Variants in VEGFC observed in about 807,000 individuals in gnomAD.
VEGFC encodes vascular endothelial growth factor C.
VEGFC carries 12 observed loss-of-function variants against 46.1 expected under a neutral mutation model. The observed-to-expected ratio is 0.26, with a 90% CI of 0.17 to 0.42. The LOEUF is 0.42. Among genes scored for constraint, VEGFC ranks in the 10% least tolerant of loss-of-function variants. The probability of loss-of-function intolerance (pLI) is 1.00; values close to 1 mark genes in which losing one functional copy is unlikely to be tolerated. For missense variants in VEGFC, 488 were observed against 529.4 expected (o/e 0.92, Z 0.77); for synonymous variants, 232 against 195.5 (o/e 1.19, Z -1.56).
intron 1 of VEGFC, among the ~76,000 whole-genome samples, chr4:176,760,848 C>T (rs1735517262): frequency 6.6e-6 from 1 of 152,160 alleles, no homozygotes; most frequent in Non-Finnish European, 1.5e-5. Flanking sequence ...GAGGGAGCTT[C>T]AAATGGCACT....
At position 176,792,408 on chromosome 4, in the gene VEGFC, T is replaced by TC; in HGVS notation, c.-98dup. ...GGCCGCGGGCCCCTCCTGGTCCCTC[T>TC]CCCCCGGGCTCCTCCCGGCGACCCC... On this transcript the variant is annotated 5_prime_UTR_variant, in exon 1 of 7. Transcript: ENST00000618562. This position sits in a 1 kb window ranked among gnomAD's most constrained non-coding sequence, Gnocchi z 6.3. 3 of 947,188 alleles carry TC rather than the reference T, an allele frequency of 3.2e-6. No homozygotes were observed. Among genetic ancestry groups the TC allele is most frequent in the Non-Finnish European group, 4.3e-6 (3 of 697,042 alleles). The allele number at this position is 947,188 out of a possible 1,614,324, so 58.7% of individuals were successfully genotyped here.
intron 6 of VEGFC, 143 bp from the exon 7 acceptor site, chr4:176,684,183 A>C (rs758879065): frequency 6.1e-6 from 4 of 654,216 alleles, no homozygotes; most frequent in Non-Finnish European, 1.1e-5. Context: ...GGTTTAAAAA[A>C]GTTTGTTTCT....
At chr4:176,689,938 AATAGCT>A (rs1426418244) in intron 4 of VEGFC, among the ~76,000 whole-genome samples, 1 of 152,164 alleles carries the variant, frequency 6.6e-6, no homozygotes, top group Non-Finnish European at 1.5e-5. Flanking sequence ...TTTTGTAGGA[AATAGCT>A]ATGTTTTGGT....
chr4:176,781,591 C>G (rs1193888457), intron 1 of VEGFC, among the ~76,000 whole-genome samples: 1 of 152,146 alleles, frequency 6.6e-6, no homozygotes, highest in Non-Finnish European at 1.5e-5. Context: ...TATAGGAATT[C>G]AATCACAGGA....
chr4:176,729,427 T>C, intron 2 of VEGFC, 106 bp downstream of exon 2: 1 of 895,124 alleles, frequency 1.1e-6, no homozygotes, highest in Non-Finnish European at 1.6e-6. Context: ...CTTTCCGCCC[T>C]AAAGGTGTAT....
chr4:176,754,417 G>C (rs1735398723), intron 1 of VEGFC, among the ~76,000 whole-genome samples: 1 of 151,938 alleles, frequency 6.6e-6, no homozygotes, highest in African/African-American at 2.4e-5. Flanking sequence ...CAAGGTGTCT[G>C]GCAAAGCCTG....
Position 176,728,005 on chromosome 4 carries a change from AACC to A in VEGFC, c.362-40_362-38del, listed in dbSNP as rs1431722540. The A allele has an allele frequency of 1.3e-5, 20 of 1,513,348 alleles. No individual in the cohort carries two copies. In the African/African-American group the frequency reaches 2.5e-4, roughly 19 times the overall value. The allele number at this position is 1,513,348 out of a possible 1,614,324, so 93.7% of individuals were successfully genotyped here. Reference sequence around the variant, plus strand: ...TAGGGAAATCAGTAAGTTTTACGGAAACCACCAAGATAAAAAAAGCCCACAGCA... The same window carrying A: ...TAGGGAAATCAGTAAGTTTTACGGAAACCAAGATAAAAAAAGCCCACAGCA... On this transcript the variant is annotated intron_variant, in intron 2 of 6. Transcript: ENST00000618562.
At chr4:176,693,158 T>C (rs1445791997) in intron 4 of VEGFC, among the ~76,000 whole-genome samples, 1 of 151,880 alleles carries the variant, frequency 6.6e-6, no homozygotes, top group East Asian at 1.9e-4. Flanking sequence ...AGAAGAAGGC[T>C]TCAGACGATC....
chr4:176,716,542 A>G (rs886974012), intron 3 of VEGFC, among the ~76,000 whole-genome samples: 5 of 139,660 alleles, frequency 3.6e-5, no homozygotes, highest in African/African-American at 1.4e-4. Flanking sequence ...GCACCACTGC[A>G]CCTGCACTCC....
At position 176,792,093 on chromosome 4, in the gene VEGFC, G is replaced by C; in HGVS notation, c.147+72C>G. 7.1e-7 allele frequency: 1 copy of C among 1,398,670 alleles called. No homozygotes were observed. The allele number at this position is 1,398,670 out of a possible 1,614,324, so 86.6% of individuals were successfully genotyped here. ...TTAAAGCACACACACTTTCCCCCGC[G>C]CAGGTTCTCGGGTCCGCCGCAGACC... On this transcript the variant is annotated intron_variant, in intron 1 of 6. Transcript: ENST00000618562. This position sits in a 1 kb window ranked among gnomAD's most constrained non-coding sequence, Gnocchi z 6.3.
chr4:176,772,238 C>G (rs13145602), intron 1 of VEGFC, among the ~76,000 whole-genome samples: 107,309 of 152,082 alleles, frequency 0.71, 43,758 homozygotes, highest in East Asian at 0.93. Flanking sequence ...ATCGACACTA[C>G]TCAAATACTT....
At chr4:176,719,898 T>G (rs62328297) in intron 3 of VEGFC, among the ~76,000 whole-genome samples, 22,858 of 151,692 alleles carry the variant, frequency 0.15, 2,164 homozygotes, top group South Asian at 0.28. Context: ...CTATCTCTAT[T>G]AAAATACAAA....
At chr4:176,751,721 A>G (rs892187669) in intron 1 of VEGFC, among the ~76,000 whole-genome samples, 11 of 151,960 alleles carry the variant, frequency 7.2e-5, no homozygotes, top group African/African-American at 2.7e-4. Flanking sequence ...GATCAATGAT[A>G]TGTGTAAACG....
intron 1 of VEGFC, among the ~76,000 whole-genome samples, chr4:176,784,572 C>A: frequency 6.6e-6 from 1 of 150,948 alleles, no homozygotes. Context: ...ATGGTCAAAC[C>A]CCGTCTCTAC....
chr4:176,736,310 A>G (rs76781769), intron 1 of VEGFC, among the ~76,000 whole-genome samples: 4,910 of 151,810 alleles, frequency 0.032, 240 homozygotes, highest in African/African-American at 0.11. Context: ...TTTTCTCTTG[A>G]TTTATATAAC....
intron 3 of VEGFC, among the ~76,000 whole-genome samples, chr4:176,723,880 T>A (rs966555322): frequency 7.3e-5 from 11 of 150,242 alleles, no homozygotes; most frequent in African/African-American, 2.7e-4. Context: ...GTTTGTTACA[T>A]AGGTAAACTT....
At chr4:176,769,390 G>A (rs967520046) in intron 1 of VEGFC, among the ~76,000 whole-genome samples, 5 of 152,010 alleles carry the variant, frequency 3.3e-5, no homozygotes, top group Admixed American at 6.6e-5. Context: ...GTCCTCTTGC[G>A]GTCTCACCTG....
intron 1 of VEGFC, among the ~76,000 whole-genome samples, chr4:176,791,400 G>A (rs1736089100): frequency 6.6e-6 from 1 of 152,034 alleles, no homozygotes; most frequent in African/African-American, 2.4e-5. Flanking sequence ...AAATCAGGAT[G>A]CCTCAAAAGT....
At chr4:176,709,380 G>A (rs1244551690) in intron 4 of VEGFC, among the ~76,000 whole-genome samples, 2 of 152,144 alleles carry the variant, frequency 1.3e-5, no homozygotes, top group Admixed American at 1.3e-4. Context: ...TAAACTTACT[G>A]GAAACACTCT....
Sources: allele counts gnomAD v4.1 joint callset (sites outside exome capture counted in the v4.1 genomes callset), GRCh38; gene constraint gnomAD v4.1.1; non-coding constraint Gnocchi (gnomAD v3.1); transcripts MANE v1.5; gene names NCBI Gene and HGNC (gene_info 2026-07-23, HGNC 2026-07-21).